Variants in PKP1 observed in about 807,000 individuals in gnomAD.
The protein encoded by PKP1 is plakophilin 1, also known as plakophilin-1.
PKP1 carries 27 observed loss-of-function variants against 76.4 expected under a neutral mutation model. That is an observed-to-expected ratio of 0.35 (90% CI 0.26 to 0.49). The LOEUF (loss-of-function observed/expected upper bound fraction) is 0.49, where lower values mean the gene tolerates loss of function less well. PKP1 is among the 20% of genes least tolerant of loss of function. PKP1 has a pLI of 0.99. For missense variants in PKP1, 964 were observed against 955.2 expected, an observed-to-expected ratio of 1.01 and a Z score of -0.12; for synonymous variants, 404 against 384.2, an observed-to-expected ratio of 1.05 and a Z score of -0.60.
intron 2 of PKP1, among the ~76,000 whole-genome samples, chr1:201,297,350 C>G (rs1656105796): frequency 6.6e-6 from 1 of 152,108 alleles, no homozygotes; most frequent in Admixed American, 6.5e-5. Flanking sequence ...CCTCAGAGCC[C>G]CACAGACCTC....
intron 1 of PKP1, among the ~76,000 whole-genome samples, chr1:201,288,967 G>A (rs1046317722): frequency 1.3e-5 from 2 of 152,184 alleles, no homozygotes; most frequent in East Asian, 1.9e-4. Context: ...TGTTCAGTAC[G>A]TACACCCAGG....
At position 201,300,734 on chromosome 1, in the gene PKP1, C is replaced by G. The variant is rs1656204231; in HGVS notation, c.306+6689C>G. ...GAGAAGTCAGAGAATGGCCCCATGTCAGCAGCATGGGCTTGCAAAGGGAGG... is the reference window on the plus strand; with the variant it reads ...GAGAAGTCAGAGAATGGCCCCATGTGAGCAGCATGGGCTTGCAAAGGGAGG... On this transcript the variant is annotated intron_variant, in intron 2 of 13. Transcript: ENST00000367324. Among the ~76,000 whole-genome samples, 3 of 152,316 alleles carry G rather than the reference C, an allele frequency of 2.0e-5. No individual in the cohort carries two copies. The South Asian group carries it at 6.2e-4, about 32-fold the overall frequency.
intron 9 of PKP1, 58 bp downstream of exon 9, chr1:201,323,247 C>T: frequency 1.3e-6 from 2 of 1,510,050 alleles, no homozygotes; most frequent in Non-Finnish European, 1.8e-6. Flanking sequence ...CACCGTCCAG[C>T]CTCTGCTCCC....
intron 13 of PKP1, among the ~76,000 whole-genome samples, chr1:201,329,607 T>C (rs1429851094): frequency 6.6e-6 from 1 of 152,182 alleles, no homozygotes; most frequent in East Asian, 1.9e-4. Context: ...CATCTGCAAA[T>C]AGCCTGGGAT....
chr1:201,292,512 G>T (rs367726003), intron 1 of PKP1, among the ~76,000 whole-genome samples: 1 of 152,182 alleles, frequency 6.6e-6, no homozygotes, highest in African/African-American at 2.4e-5. Context: ...GTGACCTGGC[G>T]CTGGACAGGG....
In PKP1 at chr1:201,318,775, C is replaced by G. The variant is rs200023228; in HGVS notation, c.1212C>G (p.Phe404Leu). Residue 404 changes from phenylalanine to leucine, a missense_variant, in exon 6 of 14, where the codon TTC (phenylalanine) becomes TTG (leucine). Transcript: ENST00000367324. Reference protein sequence around the residue: ...SREVVDPEVFFNATGCLRNLS... With the variant: ...SREVVDPEVFLNATGCLRNLS... ...AAGTGGTGGACCCTGAGGTCTTCTT[C>G]AATGCCACAGGCTGCTTGAGGTGAG... 6.2e-7 allele frequency: 1 copy of G among 1,607,056 alleles called. No homozygotes were observed. The highest frequency in any genetic ancestry group is 1.3e-5 in the African/African-American group (1 of 74,898).
At chr1:201,321,846 G>A in intron 7 of PKP1, 132 bp from the exon 8 acceptor site, 1 of 958,566 alleles carries the variant, frequency 1.0e-6, no homozygotes, top group Non-Finnish European at 1.6e-6. Context: ...CTGATAGTGT[G>A]GTGGTGCCTG....
chr1:201,285,174 G>A (rs559175723), intron 1 of PKP1, among the ~76,000 whole-genome samples: 1 of 151,908 alleles, frequency 6.6e-6, no homozygotes, highest in South Asian at 2.1e-4. Flanking sequence ...GGGGCAGGGG[G>A]TAATAAGGTG....
chr1:201,327,519 G>A (rs1035849214), intron 12 of PKP1, among the ~76,000 whole-genome samples: 36 of 152,218 alleles, frequency 2.4e-4, no homozygotes, highest in African/African-American at 8.4e-4. Flanking sequence ...TAGACAAAGG[G>A]AGACGAGGAG....
intron 2 of PKP1, among the ~76,000 whole-genome samples, chr1:201,305,915 C>A: frequency 6.6e-6 from 1 of 152,212 alleles, no homozygotes; most frequent in Non-Finnish European, 1.5e-5. Context: ...AAGCCAGGAG[C>A]TATGACCTCA....
In PKP1 at chr1:201,283,901, C is replaced by A. The variant is rs778655336; in HGVS notation, c.199C>A (p.Arg67=). ...GTCGTCCACCCTGAGCCACTCCAAT[C>A]GAGGTAAAGGCTCGGCCCCCGCGTG... The part of the protein sequence containing the change: ...SQSSTLSHSN[R]GSMYDGLADN... Residue 67 remains arginine, a synonymous_variant, in exon 1 of 14, where the codon CGA becomes AGA. Transcript: ENST00000367324. 5.6e-6 allele frequency: 9 copies of A among 1,613,784 alleles called. No individual in the cohort carries two copies. The Admixed American group carries it at 8.3e-5, about 15-fold the overall frequency.
In PKP1 at chr1:201,319,818, A is replaced by C. The variant is rs750345278; in HGVS notation, c.1233-449A>C. ...CAGGGCTTCTTCCTGTCCCACAGAA[A>C]GAGACTGGGCATGCGGGAGCTTCTG... On this transcript the variant is annotated intron_variant, in intron 6 of 13. Transcript: ENST00000367324. 5 of 1,613,940 alleles carry C rather than the reference A, an allele frequency of 3.1e-6. No individual in the cohort carries two copies. In the South Asian group the frequency reaches 4.4e-5, roughly 14 times the overall value.
intron 2 of PKP1, among the ~76,000 whole-genome samples, chr1:201,307,373 T>A (rs1656401662): frequency 6.6e-6 from 1 of 151,648 alleles, no homozygotes; most frequent in Admixed American, 6.6e-5. Context: ...CCCAGAGAGG[T>A]CAGGAGGCAG....
intron 1 of PKP1, among the ~76,000 whole-genome samples, chr1:201,289,391 A>C (rs832174): frequency 6.6e-6 from 1 of 152,078 alleles, no homozygotes; most frequent in African/African-American, 2.4e-5. Flanking sequence ...TTTATTCAAA[A>C]GTAGAATATG....
chr1:201,324,801 G>T, intron 10 of PKP1, 140 bp from the exon 11 acceptor site: 1 of 1,014,384 alleles, frequency 9.9e-7, no homozygotes, highest in Non-Finnish European at 1.5e-6. Flanking sequence ...GCCCTGAGTT[G>T]GAGCTGCCAG....
At position 201,328,539 on chromosome 1, in the gene PKP1, CAT is replaced by C. The variant is rs1274848746; in HGVS notation, c.2107-222_2107-221del. The C allele has an allele frequency of 6.7e-6, 4 of 599,056 alleles. No individual in the cohort carries two copies. In the African/African-American group the frequency reaches 7.4e-5, roughly 11 times the overall value. 37.1% of individuals were successfully genotyped at this position (599,056 alleles called of 1,614,324 possible). On this transcript the variant is annotated intron_variant, in intron 12 of 13. Transcript: ENST00000367324. Reference sequence around the variant, plus strand: ...TCTGCAAATGCAAGTAGGAAATTCACATGTGTCAGTGGAAGTTCAAACACATT... The same window carrying C: ...TCTGCAAATGCAAGTAGGAAATTCACGTGTCAGTGGAAGTTCAAACACATT...
chr1:201,304,517 G>A (rs1486739049), intron 2 of PKP1, among the ~76,000 whole-genome samples: 1 of 152,226 alleles, frequency 6.6e-6, no homozygotes, highest in Non-Finnish European at 1.5e-5. Flanking sequence ...TTCCAGCCCA[G>A]GTCTTTGGGC....
At chr1:201,316,432 TTCTGGCTC>T (rs1656749720) in intron 3 of PKP1, 113 bp from the exon 4 acceptor site, 1 of 1,071,932 alleles carries the variant, frequency 9.3e-7, no homozygotes, top group South Asian at 1.5e-5. Context: ...GGCTGCCTTG[TTCTGGCTC>T]TCCAGAGGGC....
In PKP1 at chr1:201,323,095, G is replaced by A. The variant is rs143362477; in HGVS notation, c.1586G>A (p.Arg529His). 397 of 1,614,098 alleles carry A rather than the reference G, an allele frequency of 2.5e-4. 1 individual carries two copies. The African/African-American group carries it at 3.3e-3, about 14-fold the overall frequency. ...SGWLYHSDAI[R>H]TYLNLMGKSK... ...TGGTTGTACCATTCAGATGCCATCC[G>A]CACCTACCTGAACCTCATGGGCAAG... The change falls in exon 9 of 14, where the codon CGC (arginine) becomes CAC (histidine). Residue 529 changes from arginine (R) to histidine (H), a missense_variant. Arg to His is a conservative substitution (Grantham distance 29, BLOSUM62 0). Coordinates refer to ENST00000367324, the MANE Select transcript of PKP1 (RefSeq NM_001005337.3).
Sources: allele counts gnomAD v4.1 joint callset (sites outside exome capture counted in the v4.1 genomes callset), GRCh38; gene constraint gnomAD v4.1.1; transcripts MANE v1.5; gene names NCBI Gene and HGNC (gene_info 2026-07-23, HGNC 2026-07-21).